The following SLC14A2 variants were observed in gnomAD, a reference collection of about 807,000 sequenced individuals.
The protein encoded by SLC14A2 is solute carrier family 14 member 2.
SLC14A2 carries 91 observed loss-of-function variants against 104.6 expected under a neutral mutation model. That is an observed-to-expected ratio of 0.87 (90% CI 0.73 to 1.04). The LOEUF is 1.04. Among genes scored for constraint, SLC14A2 ranks in the 50% least tolerant of loss-of-function variants. The pLI, the probability that SLC14A2 is intolerant of heterozygous loss-of-function variation, is 0.00. For synonymous variants in SLC14A2, 476 were observed against 466.4 expected (o/e 1.02, Z -0.27); for missense variants, 1,189 against 1,156.0 (o/e 1.03, Z -0.41).
At chr18:45,661,107 CTG>C (rs1420468679) in intron 10 of SLC14A2, among the ~76,000 whole-genome samples, 2 of 152,306 alleles carry the variant, frequency 1.3e-5, no homozygotes, top group South Asian at 2.1e-4. Flanking sequence ...GGGCTGCTAA[CTG>C]TGAAGAATCA....
intron 9 of SLC14A2, 30 bp from the exon 10 acceptor site, chr18:45,643,956 T>C: frequency 6.2e-7 from 1 of 1,603,542 alleles, no homozygotes; most frequent in Non-Finnish European, 8.5e-7. Context: ...ACTAGGAAAC[T>C]TCTTCAGTCC....
intron 1 of SLC14A2, among the ~76,000 whole-genome samples, chr18:45,229,596 G>A (rs2084154768): frequency 6.6e-6 from 1 of 152,054 alleles, no homozygotes. Flanking sequence ...ATACCTACAC[G>A]ATTGTTTTTG....
chr18:45,200,345 G>T, the SLC14A2 span, among the ~76,000 whole-genome samples: 6 of 152,096 alleles, frequency 3.9e-5, no homozygotes, highest in African/African-American at 1.4e-4. Context: ...TTTGCCCCAG[G>T]ATTTTGATGT....
chr18:45,508,943 T>C (rs898063570), intron 2 of SLC14A2, among the ~76,000 whole-genome samples: 2 of 152,156 alleles, frequency 1.3e-5, no homozygotes, highest in African/African-American at 4.8e-5. Flanking sequence ...TGAGTTGATT[T>C]CATGGATAAC....
At chr18:45,556,558 C>T (rs1486795763) in intron 2 of SLC14A2, among the ~76,000 whole-genome samples, 1 of 152,150 alleles carries the variant, frequency 6.6e-6, no homozygotes, top group Non-Finnish European at 1.5e-5. Flanking sequence ...TGAGCATGAG[C>T]AATTTATTTA....
At chr18:45,279,873 G>C (rs1204532953) in intron 1 of SLC14A2, among the ~76,000 whole-genome samples, 2 of 152,088 alleles carry the variant, frequency 1.3e-5, no homozygotes, top group African/African-American at 2.4e-5. Context: ...CCTCAGCACT[G>C]TTCACATTCT....
intron 1 of SLC14A2, among the ~76,000 whole-genome samples, chr18:45,315,031 G>T (rs2085115267): frequency 1.3e-5 from 2 of 152,160 alleles, no homozygotes; most frequent in African/African-American, 4.8e-5. Flanking sequence ...TACAAATGCT[G>T]GGCTGGAGTT....
chr18:45,502,210 G>A (rs2144764067), intron 2 of SLC14A2, among the ~76,000 whole-genome samples: 1 of 152,344 alleles, frequency 6.6e-6, no homozygotes, highest in East Asian at 1.9e-4. Context: ...TAGGGGTGGG[G>A]TTGTTAAACT....
At chr18:45,314,674 G>A (rs1003635884) in intron 1 of SLC14A2, among the ~76,000 whole-genome samples, 2 of 152,202 alleles carry the variant, frequency 1.3e-5, no homozygotes, top group Non-Finnish European at 2.9e-5. Flanking sequence ...CAATTGCAGA[G>A]AATAGGCACA....
chr18:45,404,812 C>T (rs561977587), intron 1 of SLC14A2, among the ~76,000 whole-genome samples: 1 of 152,222 alleles, frequency 6.6e-6, no homozygotes, highest in African/African-American at 2.4e-5. Context: ...GGAGAAAGTA[C>T]AACTGGATTG....
chr18:45,476,773 G>A (rs187686768), intron 1 of SLC14A2, among the ~76,000 whole-genome samples: 31 of 148,332 alleles, frequency 2.1e-4, no homozygotes, highest in Admixed American at 1.6e-3. Flanking sequence ...TGATCGATTC[G>A]GCTATTGATA....
intron 1 of SLC14A2, among the ~76,000 whole-genome samples, chr18:45,444,589 T>C (rs990986555): frequency 6.6e-6 from 1 of 152,220 alleles, no homozygotes. Context: ...GGCTTGTGCA[T>C]GCCTGTCTTT....
intron 1 of SLC14A2, among the ~76,000 whole-genome samples, chr18:45,414,754 AAAAATATATATAT>A (rs983813775): frequency 2.6e-5 from 2 of 76,064 alleles, no homozygotes; most frequent in African/African-American, 1.2e-4. Context: ...TAAAAAAAAA[AAAAATATATATAT>A]ATATATATAT....
intron 2 of SLC14A2, among the ~76,000 whole-genome samples, chr18:45,567,705 A>T (rs2044286782): frequency 6.6e-6 from 1 of 151,554 alleles, no homozygotes; most frequent in South Asian, 2.1e-4. Context: ...CTCGGCCTCT[A>T]CCTTTCCACC....
intron 1 of SLC14A2, among the ~76,000 whole-genome samples, chr18:45,423,612 A>G (rs1300235295): frequency 1.3e-5 from 2 of 152,352 alleles, no homozygotes; most frequent in East Asian, 3.9e-4. Flanking sequence ...CAAGGGACAT[A>G]GACAAAGATG....
intron 16 of SLC14A2, among the ~76,000 whole-genome samples, chr18:45,670,916 G>A (rs2046122423): frequency 6.6e-6 from 1 of 152,152 alleles, no homozygotes; most frequent in African/African-American, 2.4e-5. Flanking sequence ...TGCCACCTCA[G>A]CCTCCCAAAG....
At chr18:45,257,759 C>T (rs1003829298) in intron 1 of SLC14A2, among the ~76,000 whole-genome samples, 1 of 152,102 alleles carries the variant, frequency 6.6e-6, no homozygotes, top group African/African-American at 2.4e-5. Context: ...CCCAAGGGCC[C>T]CATAGTCAAG....
chr18:45,641,528 G>T (rs1007746935), intron 8 of SLC14A2, among the ~76,000 whole-genome samples, 185 bp downstream of exon 8: 2 of 152,208 alleles, frequency 1.3e-5, no homozygotes, highest in African/African-American at 4.8e-5. Context: ...CTGTCAAATG[G>T]GATCACAACC....
At chr18:45,299,187 T>C (rs1386360819) in intron 1 of SLC14A2, among the ~76,000 whole-genome samples, 1 of 152,238 alleles carries the variant, frequency 6.6e-6, no homozygotes, top group African/African-American at 2.4e-5. Flanking sequence ...AGCTCCACAG[T>C]AACTGCTGAT....
Sources: gnomAD v4.1 joint callset for allele counts (sites outside exome capture counted in the v4.1 genomes callset) on GRCh38, gnomAD v4.1.1 for gene constraint, MANE v1.5 for transcripts, NCBI Gene and HGNC (gene_info 2026-07-23, HGNC 2026-07-21) for gene names.